The following TRIM65 variants were observed in gnomAD, a reference collection of about 807,000 sequenced individuals.
TRIM65 encodes E3 ubiquitin-protein ligase TRIM65.
Under a neutral mutation model 36.1 loss-of-function variants are expected in TRIM65, and 46 were observed. That is an observed-to-expected ratio of 1.27 (90% confidence interval 1.01 to 1.63). The LOEUF (loss-of-function observed/expected upper bound fraction) is 1.63, where lower values mean the gene tolerates loss of function less well. Among genes scored for constraint, TRIM65 ranks in the 40% most tolerant of loss-of-function variants. The pLI is 0.00. For synonymous variants in TRIM65, 346 were observed against 313.6 expected (o/e 1.10, Z -1.09); for missense variants, 708 against 696.6 (o/e 1.02, Z -0.18).
At chr17:75,880,794 G>A (rs1216845639) in intron 4 of TRIM65, among the ~76,000 whole-genome samples, 1 of 149,960 alleles carries the variant, frequency 6.7e-6, no homozygotes, top group Non-Finnish European at 1.5e-5. Flanking sequence ...CCAAACCCTT[G>A]TCCACCTCTC....
In TRIM65 at chr17:75,896,910, G is replaced by A. The variant is rs776429264; in HGVS notation, c.28C>T (p.Leu10=). 2 of 1,511,184 alleles carry A rather than the reference G, an allele frequency of 1.3e-6. No individual in the cohort carries two copies. The highest frequency in any genetic ancestry group is 2.7e-5 in the East Asian group (1 of 36,952). The allele number at this position is 1,511,184 out of a possible 1,614,324, so 93.6% of individuals were successfully genotyped here. Residue 10 remains leucine, a synonymous_variant, in exon 1 of 6, where the codon CTG becomes TTG. Transcript: ENST00000269383. The stretch of plus-strand genomic sequence containing the variant: ...AGCCCCAGGCAGATGGCGCAGGTCA[G>A]CTTCTCCTCCAGCAGCTGCGCGGCC... MAAQLLEEK[L]TCAICLGLYQ...
rs1451390777 is a variant in TRIM65, at chr17:75,890,788, C to T, written c.1545G>A (p.Val515=). The change falls in exon 6 of 6, where the codon GTG becomes GTA. Residue 515 remains valine (V), a synonymous_variant. Transcript: ENST00000269383. ...CCATCCCATGCCTTCTTCAGCTGAGCACCTCTTCCTGGGGCCCCAGAGGGA... is the reference window on the plus strand; with the variant it reads ...CCATCCCATGCCTTCTTCAGCTGAGTACCTCTTCCTGGGGCCCCAGAGGGA... ...AVFPLGPQEE[V]LS The T allele has an allele frequency of 3.4e-6, 5 of 1,480,796 alleles. No individual in the cohort carries two copies. In the African/African-American group the frequency reaches 4.3e-5, roughly 13 times the overall value. The allele number at this position is 1,480,796 out of a possible 1,614,324, so 91.7% of individuals were successfully genotyped here.
At chr17:75,886,924 G>A (rs2065211957), downstream of TRIM65, among the ~76,000 whole-genome samples, 2 of 152,134 alleles carry the variant, frequency 1.3e-5, no homozygotes, top group Non-Finnish European at 2.9e-5. Context: ...TCGGCTGGCT[G>A]GGCATGGATC....
At chr17:75,894,764 C>G (rs1351055942) in intron 1 of TRIM65, among the ~76,000 whole-genome samples, 1 of 152,224 alleles carries the variant, frequency 6.6e-6, no homozygotes, top group Admixed American at 6.5e-5. Flanking sequence ...CTCCTGACCT[C>G]GTGATCCACC....
downstream of TRIM65, among the ~76,000 whole-genome samples, chr17:75,885,336 G>C (rs527754490): frequency 6.6e-6 from 1 of 152,252 alleles, no homozygotes; most frequent in South Asian, 2.1e-4. Flanking sequence ...ACCCAGGCTG[G>C]TGAGATCACA....
intron 4 of TRIM65, among the ~76,000 whole-genome samples, chr17:75,882,974 T>C (rs2065177766): frequency 6.8e-6 from 1 of 146,236 alleles, no homozygotes; most frequent in Non-Finnish European, 1.5e-5. Flanking sequence ...TAAGACCCTG[T>C]CTCTGGAAAA....
rs755660143 is a variant in TRIM65 at position 75,892,991 on chromosome 17, CTCGG to C, written c.415-145_415-142del. On this transcript the variant is annotated intron_variant, in intron 1 of 5. Transcript: ENST00000269383. ...CCAGGCCAGCCTCCAGAGCACCGGC[CTCGG>C]TCTAACCCAGGGAGAGTTGGGGCCG... 3.5e-4 allele frequency: 247 copies of C among 708,504 alleles called. 3 individuals carry two copies. The highest frequency in any genetic ancestry group is 5.4e-4 in the Non-Finnish European group (228 of 421,988). 43.9% of individuals were successfully genotyped at this position (708,504 alleles called of 1,614,324 possible).
chr17:75,881,587 G>A (rs944574673), intron 4 of TRIM65, among the ~76,000 whole-genome samples: 8 of 150,632 alleles, frequency 5.3e-5, no homozygotes, highest in African/African-American at 7.5e-5. Context: ...ATGAGGCTCC[G>A]CCCACCTGAA....
chr17:75,896,450 G>A, intron 1 of TRIM65, 74 bp downstream of exon 1: 3 of 1,266,862 alleles, frequency 2.4e-6, no homozygotes, highest in Non-Finnish European at 2.0e-6. Context: ...GCAGGGCGCG[G>A]CCCGCAGGAG....
chr17:75,883,408 T>C (rs113987205), intron 4 of TRIM65, among the ~76,000 whole-genome samples: 2,012 of 151,898 alleles, frequency 0.013, 53 homozygotes, highest in African/African-American at 0.047. Flanking sequence ...AGAGCCACGG[T>C]GCCTAGCCTT....
At position 75,892,185 on chromosome 17, in the gene TRIM65, C is replaced by T. The variant is rs538966311; in HGVS notation, c.745G>A (p.Glu249Lys). The change falls in exon 4 of 6, where the codon GAA (glutamate) becomes AAA (lysine). Residue 249 changes from glutamate to lysine, a missense_variant and splice_region_variant. Physicochemically the swap from Glu to Lys is moderately conservative, Grantham distance 56 (BLOSUM62 1). Transcript: ENST00000269383. ...CCTGGGGGCTGGAGGAGCTGCGATT[C>T]CTGAGCCCCAGGGAGAACAAGTAAG... The part of the protein sequence containing the change: ...EQVDEQTFLQ[E>K]SQLLQPPGPL... 1.1e-5 allele frequency: 18 copies of T among 1,572,764 alleles called. No homozygotes were observed. In the African/African-American group the frequency reaches 2.4e-4, roughly 21 times the overall value.
At chr17:75,896,028 C>T (rs766595671) in intron 1 of TRIM65, among the ~76,000 whole-genome samples, 1 of 152,234 alleles carries the variant, frequency 6.6e-6, no homozygotes, top group Non-Finnish European at 1.5e-5. Flanking sequence ...GGCTGCATAT[C>T]CCAGTCTGAT....
At chr17:75,884,938 CT>C (rs534194648), downstream of TRIM65, among the ~76,000 whole-genome samples, 4,764 of 135,762 alleles carry the variant, frequency 0.035, 217 homozygotes, top group African/African-American at 0.11. Flanking sequence ...ACTTGAGTTC[CT>C]TTTTTTTTTT....
chr17:75,880,581 C>T (rs2065163184), exon 5 of TRIM65: 1 of 150,644 alleles, frequency 6.6e-6, no homozygotes, highest in South Asian at 2.1e-4. Context: ...AGCCACAGGT[C>T]CTGGGGGTTA....
intron 1 of TRIM65, among the ~76,000 whole-genome samples, chr17:75,893,994 G>A (rs1478525818): frequency 6.6e-6 from 1 of 152,154 alleles, no homozygotes; most frequent in Admixed American, 6.6e-5. Flanking sequence ...CAGCTACAAG[G>A]AATGTCCCGC....
In TRIM65 at chr17:75,889,821, C is replaced by T. The variant is rs1309001073; in HGVS notation, c.*958G>A. The T allele has an allele frequency of 6.6e-6, 1 of 152,188 alleles. No homozygotes were observed. Among genetic ancestry groups the T allele is most frequent in the East Asian group, 1.9e-4 (1 of 5,202 alleles). 9.4% of individuals were successfully genotyped at this position (152,188 alleles called of 1,614,324 possible). A position where few individuals can be genotyped will look rare whatever the true frequency, so the allele number is the denominator to read the frequency against. Reference sequence around the variant, plus strand: ...ATTCATCATAAGCCAGGCGTGGTGGCATACACCTGTAATCCCAGCTACTCA... The same window carrying T: ...ATTCATCATAAGCCAGGCGTGGTGGTATACACCTGTAATCCCAGCTACTCA... On this transcript the variant is annotated 3_prime_UTR_variant, in exon 6 of 6. Transcript: ENST00000269383.
chr17:75,880,851 TG>T (rs1232924006), intron 4 of TRIM65, among the ~76,000 whole-genome samples: 1 of 150,286 alleles, frequency 6.7e-6, no homozygotes, highest in Non-Finnish European at 1.5e-5. Context: ...TCTCTAGGCT[TG>T]GGGGGTGGGA....
rs1567841771 is a variant in TRIM65, at chr17:75,889,657, T to A, written c.*1122A>T. On this transcript the variant is annotated 3_prime_UTR_variant, in exon 6 of 6. Transcript: ENST00000269383. The stretch of plus-strand genomic sequence containing the variant: ...TAGTGACAGGGTTGAGGGGCCTTAG[T>A]CGGCTTGACTCAAGGTGGCCTCACT... 6.6e-6 allele frequency: 1 copy of A among 152,288 alleles called. No homozygotes were observed. Among genetic ancestry groups the A allele is most frequent in the East Asian group, 1.9e-4 (1 of 5,172 alleles). 9.4% of individuals were successfully genotyped at this position (152,288 alleles called of 1,614,324 possible). A position where few individuals can be genotyped will look rare whatever the true frequency, so the allele number is the denominator to read the frequency against.
rs527719655 is a variant in TRIM65, at chr17:75,896,537, C to T, written c.401G>A (p.Arg134His). Reference sequence around the variant, plus strand: ...CGGATGCGTCACCTCGCGCTTGAGGCGCTCGGCATCCAGCAGCGCCCGCTC... The same window carrying T: ...CGGATGCGTCACCTCGCGCTTGAGGTGCTCGGCATCCAGCAGCGCCCGCTC... Reference protein sequence around the residue: ...LHERALLDAERLKREAQLRAS... With the variant: ...LHERALLDAEHLKREAQLRAS... Residue 134 changes from arginine to histidine, a missense_variant, in exon 1 of 6, where the codon CGC (arginine) becomes CAC (histidine). Arg to His is a conservative substitution (Grantham distance 29). Transcript: ENST00000269383. 1 of 1,347,550 alleles carries T rather than the reference C, an allele frequency of 7.4e-7. No individual in the cohort carries two copies. The highest frequency in any genetic ancestry group is 9.5e-7 in the Non-Finnish European group (1 of 1,051,564). The allele number at this position is 1,347,550 out of a possible 1,614,324, so 83.5% of individuals were successfully genotyped here.
Sources: allele counts gnomAD v4.1 joint callset (sites outside exome capture counted in the v4.1 genomes callset), GRCh38; gene constraint gnomAD v4.1.1; transcripts MANE v1.5; gene names NCBI Gene and HGNC (gene_info 2026-07-23, HGNC 2026-07-21).